Variants in RAPGEF6 observed in about 807,000 individuals in gnomAD.
RAPGEF6 encodes PDZ domain containing guanine nucleotide exchange factor (GEF) 2.
RAPGEF6 carries 56 observed loss-of-function variants against 171.4 expected under a neutral mutation model. The observed-to-expected ratio is 0.33, with a 90% CI of 0.26 to 0.41. RAPGEF6 has a LOEUF of 0.41. Among genes scored for constraint, RAPGEF6 ranks in the 10% least tolerant of loss-of-function variants. The probability of loss-of-function intolerance (pLI) is 1.00; values close to 1 mark genes in which losing one functional copy is unlikely to be tolerated. For missense variants in RAPGEF6, 1,674 were observed against 1,921.4 expected (o/e 0.87, Z 2.41); for synonymous variants, 692 against 650.1 (o/e 1.06, Z -0.98).
rs2149807715 is a variant in RAPGEF6, at chr5:131,434,419, TG to T, written c.3746-762del. 2.0e-5 allele frequency among the ~76,000 whole-genome samples: 3 copies of T among 152,278 alleles called. No individual in the cohort carries two copies. In the South Asian group the frequency reaches 6.2e-4, roughly 32 times the overall value. ...CACACCCAGTTATTTTTAAACTTTTTGCAGAAATGAGGTCTCATTATGTTGC... is the reference window on the plus strand; with the variant it reads ...CACACCCAGTTATTTTTAAACTTTTTCAGAAATGAGGTCTCATTATGTTGC... On this transcript the variant is annotated intron_variant, in intron 24 of 27. Coordinates refer to ENST00000509018, the MANE Select transcript of RAPGEF6 (RefSeq NM_016340.6).
At chr5:131,465,828 T>C (rs1352615957) in intron 17 of RAPGEF6, among the ~76,000 whole-genome samples, 2 of 152,042 alleles carry the variant, frequency 1.3e-5, no homozygotes, top group African/African-American at 2.4e-5. Flanking sequence ...TGTGGCTTTT[T>C]TGTATGTGTG....
chr5:131,561,660 C>CAAAAAA (rs35691525), intron 5 of RAPGEF6, among the ~76,000 whole-genome samples: 4 of 90,906 alleles, frequency 4.4e-5, no homozygotes, highest in African/African-American at 4.2e-5. Flanking sequence ...AACTCTGTCT[C>CAAAAAA]AAAAAAAAAA....
At chr5:131,512,894 A>C (rs1314072087) in intron 7 of RAPGEF6, among the ~76,000 whole-genome samples, 1 of 152,140 alleles carries the variant, frequency 6.6e-6, no homozygotes, top group Non-Finnish European at 1.5e-5. Flanking sequence ...CAGACACCAA[A>C]TCTGCTTGCT....
intron 6 of RAPGEF6, among the ~76,000 whole-genome samples, chr5:131,528,338 T>TATACACACACACAC (rs1180347219): frequency 3.8e-5 from 1 of 26,290 alleles, no homozygotes; most frequent in African/African-American, 6.0e-5. Context: ...TATATATATA[T>TATACACACACACAC]ACACACACAC....
At chr5:131,483,270 A>C (rs244734) in intron 15 of RAPGEF6, among the ~76,000 whole-genome samples, 95,494 of 149,744 alleles carry the variant, frequency 0.64, 32,196 homozygotes, top group Non-Finnish European at 0.77. Flanking sequence ...AATCGCTTGA[A>C]CCTGGGAGGC....
intron 6 of RAPGEF6, among the ~76,000 whole-genome samples, chr5:131,535,432 T>C (rs2149931359): frequency 6.6e-6 from 1 of 152,272 alleles, no homozygotes; most frequent in African/African-American, 2.4e-5. Context: ...TTTTAGAATT[T>C]TATCACGATC....
At chr5:131,609,809 G>C (rs1042702012) in intron 1 of RAPGEF6, among the ~76,000 whole-genome samples, 8 of 152,146 alleles carry the variant, frequency 5.3e-5, no homozygotes, top group African/African-American at 1.9e-4. Flanking sequence ...TCTGGGTTTG[G>C]GTTTATCTTA....
intron 3 of RAPGEF6, among the ~76,000 whole-genome samples, chr5:131,593,566 T>G (rs1763713852): frequency 6.6e-6 from 1 of 152,200 alleles, no homozygotes; most frequent in Non-Finnish European, 1.5e-5. Flanking sequence ...TCCTAGAGAC[T>G]TGTTGAATGC....
intron 5 of RAPGEF6, among the ~76,000 whole-genome samples, chr5:131,560,822 G>T (rs990634829): frequency 2.0e-5 from 3 of 152,206 alleles, no homozygotes; most frequent in African/African-American, 4.8e-5. Flanking sequence ...GGGATAGTGA[G>T]TTCATGGTTA....
rs1407273152 is a variant in RAPGEF6, at chr5:131,524,599, A to AGAGAGAGATT, written c.496-3088_496-3079dup. On this transcript the variant is annotated intron_variant, in intron 6 of 27. Transcript: ENST00000509018. ...GGAGAGAGAGGGAGAGGGAGGGGGGAGAGAGAGATTGAGAGAGAGAGAGAG... is the reference window on the plus strand; with the variant it reads ...GGAGAGAGAGGGAGAGGGAGGGGGGAGAGAGAGATTGAGAGAGATTGAGAGAGAGAGAGAG... Among the ~76,000 whole-genome samples, 3 of 83,798 alleles carry AGAGAGAGATT rather than the reference A, an allele frequency of 3.6e-5. No homozygotes were observed. In the South Asian group the frequency reaches 1.5e-3, roughly 42 times the overall value. The allele number at this position is 83,798 out of a possible 152,430, so 55.0% of individuals were successfully genotyped here.
chr5:131,534,243 T>C (rs1234336703), intron 6 of RAPGEF6, among the ~76,000 whole-genome samples: 2 of 152,110 alleles, frequency 1.3e-5, no homozygotes, highest in East Asian at 1.9e-4. Context: ...AGAAGAAACA[T>C]CTTGTTGTTA....
intron 7 of RAPGEF6, among the ~76,000 whole-genome samples, chr5:131,516,298 G>A (rs2149902222): frequency 6.6e-6 from 1 of 151,884 alleles, no homozygotes; most frequent in East Asian, 1.9e-4. Context: ...TAGCCAGGCT[G>A]GTCTCAAACT....
chr5:131,428,790 A>G (rs1227900816), intron 27 of RAPGEF6, 112 bp downstream of exon 27: 1 of 1,184,806 alleles, frequency 8.4e-7, no homozygotes, highest in Non-Finnish European at 1.2e-6. Context: ...TTTAACAGAG[A>G]TTCAAGGCAT....
chr5:131,634,932 G>C, intron 1 of RAPGEF6, 30 bp downstream of exon 1: 1 of 1,613,270 alleles, frequency 6.2e-7, no homozygotes, highest in Non-Finnish European at 8.5e-7. Flanking sequence ...ACTGGACTGT[G>C]AGACGCACAT....
At position 131,431,205 on chromosome 5, in the gene RAPGEF6, A is replaced by G. The variant is rs1751681503; in HGVS notation, c.4119T>C (p.His1373=). The change falls in exon 26 of 28, where the codon CAT becomes CAC. Residue 1373 remains histidine (H), a synonymous_variant. Transcript: ENST00000509018. ...GSWTSCSSSS[H]DNFQSLPNPK... Reference sequence around the variant, plus strand: ...GGTTTGGAAGGCTTTGGAAGTTGTCATGGGAGCTGCTTGAACACGAAGTCC... The same window carrying G: ...GGTTTGGAAGGCTTTGGAAGTTGTCGTGGGAGCTGCTTGAACACGAAGTCC... 1 of 1,614,236 alleles carries G rather than the reference A, an allele frequency of 6.2e-7. No individual in the cohort carries two copies. The highest frequency in any genetic ancestry group is 1.1e-5 in the South Asian group (1 of 91,090).
intron 5 of RAPGEF6, among the ~76,000 whole-genome samples, chr5:131,550,530 T>C (rs1250216810): frequency 6.6e-6 from 1 of 152,224 alleles, no homozygotes; most frequent in Non-Finnish European, 1.5e-5. Context: ...CAAGAATAAG[T>C]AGCAGCCAAC....
intron 1 of RAPGEF6, among the ~76,000 whole-genome samples, chr5:131,617,669 G>A (rs1765356058): frequency 6.6e-6 from 1 of 152,162 alleles, no homozygotes; most frequent in African/African-American, 2.4e-5. Context: ...CGAAGTGGGT[G>A]GATCACCTGA....
chr5:131,438,380 T>C (rs1416390947), intron 24 of RAPGEF6, among the ~76,000 whole-genome samples: 1 of 152,114 alleles, frequency 6.6e-6, no homozygotes, highest in African/African-American at 2.4e-5. Flanking sequence ...AATTGCCACA[T>C]AGGTGGCAAA....
At chr5:131,528,328 T>TATATATATATA (rs1759113776) in intron 6 of RAPGEF6, among the ~76,000 whole-genome samples, 1 of 107,028 alleles carries the variant, frequency 9.3e-6, no homozygotes, top group Non-Finnish European at 1.7e-5. Context: ...TATATATATA[T>TATATATATATA]ATATATATAT....
Sources: gnomAD v4.1 joint callset for allele counts (sites outside exome capture counted in the v4.1 genomes callset) on GRCh38, gnomAD v4.1.1 for gene constraint, MANE v1.5 for transcripts, NCBI Gene and HGNC (gene_info 2026-07-23, HGNC 2026-07-21) for gene names.